ZNG1F: variants seen among roughly 807,000 people sequenced by gnomAD.
ZNG1F encodes Zn regulated GTPase metalloprotein activator 1F, also known as zinc-regulated GTPase metalloprotein activator 1F.
At chr9:41,203,065 C>G in the ZNG1F span, among the ~76,000 whole-genome samples, 5 of 151,228 alleles carry the variant, frequency 3.3e-5, no homozygotes, top group East Asian at 2.0e-4. Flanking sequence ...TGGTTAAATT[C>G]AGGTTATATA....
the ZNG1F span, among the ~76,000 whole-genome samples, chr9:41,199,831 T>G: frequency 6.6e-6 from 1 of 151,858 alleles, no homozygotes; most frequent in Admixed American, 6.6e-5. Context: ...CAAAGCCATG[T>G]GGAAGCTGCC....
the ZNG1F span, among the ~76,000 whole-genome samples, chr9:41,139,589 G>C: frequency 6.6e-6 from 1 of 150,738 alleles, no homozygotes; most frequent in Admixed American, 6.7e-5. Flanking sequence ...TAGGAAAAGC[G>C]GAAAAGTGCT....
chr9:41,173,828 A>T, the ZNG1F span, among the ~76,000 whole-genome samples: 2 of 146,608 alleles, frequency 1.4e-5, no homozygotes, highest in East Asian at 4.0e-4. Flanking sequence ...ATGAACAAAG[A>T]TTTCATCATT....
At chr9:41,183,750 G>A in the ZNG1F span, 11 of 1,586,136 alleles carry the variant, frequency 6.9e-6, no homozygotes, top group Non-Finnish European at 9.4e-6. Context: ...ACTCAATAAT[G>A]GAGATCTTAA....
chr9:41,201,219 T>C, the ZNG1F span, among the ~76,000 whole-genome samples: 1 of 147,754 alleles, frequency 6.8e-6, no homozygotes, highest in Non-Finnish European at 1.5e-5. Flanking sequence ...TGCTTGTATG[T>C]GCATGGGCAT....
chr9:41,198,343 A>C, the ZNG1F span, among the ~76,000 whole-genome samples: 5 of 149,074 alleles, frequency 3.4e-5, no homozygotes, highest in Non-Finnish European at 6.0e-5. Context: ...TGGAGGTTGC[A>C]GTGAGCCAAG....
the ZNG1F span, among the ~76,000 whole-genome samples, chr9:41,204,942 A>T: frequency 6.6e-6 from 1 of 150,762 alleles, no homozygotes; most frequent in Admixed American, 6.7e-5. Flanking sequence ...CCATATATTT[A>T]TCATTAATTC....
At chr9:41,166,619 T>C in the ZNG1F span, among the ~76,000 whole-genome samples, 4 of 58,924 alleles carry the variant, frequency 6.8e-5, no homozygotes, top group African/African-American at 3.0e-4. Context: ...AGTTTAGTTA[T>C]GAGATCATTA....
chr9:41,190,934 TG>T, the ZNG1F span, among the ~76,000 whole-genome samples: 1 of 145,104 alleles, frequency 6.9e-6, no homozygotes, highest in Non-Finnish European at 1.5e-5. Flanking sequence ...TCACGCCTTT[TG>T]CAGAACACAG....
At chr9:41,134,132 T>C in the ZNG1F span, 8 of 204,214 alleles carry the variant, frequency 3.9e-5, no homozygotes, top group Non-Finnish European at 6.9e-5. Flanking sequence ...TTGTATCTTT[T>C]GACTTACTCT....
chr9:41,197,728 T>C, the ZNG1F span, among the ~76,000 whole-genome samples: 1 of 133,778 alleles, frequency 7.5e-6, no homozygotes, highest in Non-Finnish European at 1.6e-5. Flanking sequence ...AACTTTATTC[T>C]TATTCTCCTT....
At chr9:41,193,503 T>C in the ZNG1F span, among the ~76,000 whole-genome samples, 10 of 150,116 alleles carry the variant, frequency 6.7e-5, no homozygotes, top group African/African-American at 1.7e-4. Flanking sequence ...ACGAGTTTTT[T>C]TTTTCTTCTC....
At chr9:41,201,280 T>C in the ZNG1F span, among the ~76,000 whole-genome samples, 3 of 144,176 alleles carry the variant, frequency 2.1e-5, no homozygotes, top group Non-Finnish European at 4.5e-5. Flanking sequence ...TATATATATA[T>C]GTATGCTGAT....
chr9:41,160,298 GTTTA>G, the ZNG1F span, among the ~76,000 whole-genome samples: 469 of 60,970 alleles, frequency 7.7e-3, 1 homozygote, highest in Non-Finnish European at 0.012. Context: ...GCTTATAGCA[GTTTA>G]TTGTCAGTAC....
At chr9:41,146,200 C>CA in the ZNG1F span, among the ~76,000 whole-genome samples, 1 of 144,810 alleles carries the variant, frequency 6.9e-6, no homozygotes. Context: ...TAAGCACACA[C>CA]AAAAAAGTCA....
At chr9:41,132,115 T>G in the ZNG1F span, 3 of 1,548,100 alleles carry the variant, frequency 1.9e-6, no homozygotes, top group Non-Finnish European at 1.7e-6. Flanking sequence ...GACCACAAGC[T>G]TATTTAGTTT....
chr9:41,159,344 C>T, the ZNG1F span, among the ~76,000 whole-genome samples: 12 of 143,266 alleles, frequency 8.4e-5, no homozygotes, highest in Non-Finnish European at 1.5e-4. Flanking sequence ...AATAAATTTC[C>T]AAAAGCCTTC....
chr9:41,204,794 A>T, the ZNG1F span, among the ~76,000 whole-genome samples: 15 of 36,510 alleles, frequency 4.1e-4, no homozygotes, highest in Non-Finnish European at 1.3e-3. Context: ...ATGACTATGT[A>T]AACAATATCC....
the ZNG1F span, chr9:41,145,391 T>C: frequency 8.2e-6 from 1 of 122,470 alleles, no homozygotes; most frequent in Non-Finnish European, 1.5e-5. Flanking sequence ...ACTTTATACG[T>C]TATTTAGTGA....
Sources: allele counts gnomAD v4.1 joint callset (sites outside exome capture counted in the v4.1 genomes callset), GRCh38; gene constraint gnomAD v4.1.1; transcripts MANE v1.5; gene names NCBI Gene and HGNC (gene_info 2026-07-23, HGNC 2026-07-21).